SEC14L1: variants seen among roughly 807,000 people sequenced by gnomAD.
SEC14L1 encodes the protein SEC14 like lipid binding 1.
Under a neutral mutation model 85.3 loss-of-function variants are expected in SEC14L1, and 48 were observed. The ratio of observed to expected loss-of-function variants is 0.56; its 90% CI spans 0.45 to 0.72. The LOEUF (loss-of-function observed/expected upper bound fraction) is 0.72. SEC14L1 is among the 30% of genes least tolerant of loss of function. SEC14L1 has a pLI of 0.00. For missense variants in SEC14L1, 682 were observed against 921.4 expected (o/e 0.74, Z 3.36); for synonymous variants, 391 against 355.5 (o/e 1.10, Z -1.12).
intron 3 of SEC14L1, among the ~76,000 whole-genome samples, chr17:77,146,244 G>GC (rs1973299806): frequency 6.6e-6 from 1 of 152,192 alleles, no homozygotes; most frequent in African/African-American, 2.4e-5. Context: ...GCTGCCCACG[G>GC]CCCGGGGTGG....
chr17:77,204,431 G>A (rs796458862), intron 10 of SEC14L1, among the ~76,000 whole-genome samples: 3 of 151,396 alleles, frequency 2.0e-5, no homozygotes, highest in African/African-American at 7.3e-5. Context: ...TGTTGGTCAG[G>A]CTGGTCTCGA....
intron 3 of SEC14L1, among the ~76,000 whole-genome samples, chr17:77,176,737 C>T (rs931721529): frequency 6.6e-6 from 1 of 152,142 alleles, no homozygotes; most frequent in South Asian, 2.1e-4. Context: ...CAGGTGCCTA[C>T]CACCATGCCC....
chr17:77,095,710 G>A lies in SEC14L1; in HGVS notation c.-136+2363G>A, dbSNP rs753381316. On this transcript the variant is annotated intron_variant, in intron 3 of 19. Coordinates refer to the SEC14L1 transcript ENST00000392476. ...CAGGCACCTGTAATCCCAGCTGCTC[G>A]GGAGGCTGAGGCATGAGAATCAGTT... Among the ~76,000 whole-genome samples the A allele has an allele frequency of 1.8e-4, 28 of 152,168 alleles. No individual in the cohort carries two copies. The South Asian group carries it at 2.1e-3, about 11-fold the overall frequency.
intron 2 of SEC14L1, 45 bp from the exon 3 acceptor site, chr17:77,143,522 G>A: frequency 8.5e-7 from 1 of 1,179,584 alleles, no homozygotes; most frequent in Non-Finnish European, 1.3e-6. Context: ...CTAATAATTT[G>A]TTTCTGCATT....
rs371887929 is a variant in SEC14L1, at chr17:77,196,251, G to A, written c.759G>A (p.Pro253=). 1.6e-5 allele frequency: 26 copies of A among 1,614,016 alleles called. No individual in the cohort carries two copies. Among genetic ancestry groups the A allele is most frequent in the African/African-American group, 8.0e-5 (6 of 74,920 alleles). Residue 253 remains proline, a synonymous_variant, in exon 8 of 17, where the codon CCG becomes CCA. Transcript: ENST00000436233. Reference sequence around the variant, plus strand: ...AGAGATACCTGGGCGATTTGACTCCGCTGCAGGAGAGCTGCCTCATTAGAC... The same window carrying A: ...AGAGATACCTGGGCGATTTGACTCCACTGCAGGAGAGCTGCCTCATTAGAC... ...YIKRYLGDLT[P]LQESCLIRLR...
intron 3 of SEC14L1, among the ~76,000 whole-genome samples, chr17:77,104,271 C>T: frequency 6.6e-6 from 1 of 150,578 alleles, no homozygotes; most frequent in East Asian, 2.0e-4. Context: ...TTACAGGTGC[C>T]TGCCACCACG....
Position 77,209,330 on chromosome 17 carries a change from T to G in SEC14L1, c.1477-12T>G. The G allele has an allele frequency of 6.2e-7, 1 of 1,613,948 alleles. No individual in the cohort carries two copies. ...GTTTGCACAGGTTTCACTGCTGTGT[T>G]TCTTCTTCCAGTGCGAAGTGCCAGA... On this transcript the variant is annotated splice_polypyrimidine_tract_variant and intron_variant, in intron 13 of 16. Transcript: ENST00000436233.
At chr17:77,163,116 G>A (rs1344045654) in intron 3 of SEC14L1, among the ~76,000 whole-genome samples, 2 of 152,126 alleles carry the variant, frequency 1.3e-5, no homozygotes, top group Non-Finnish European at 2.9e-5. Context: ...AGCTCCTGCC[G>A]CTGTGCTTGG....
intron 3 of SEC14L1, among the ~76,000 whole-genome samples, chr17:77,117,554 A>G (rs1972202887): frequency 6.6e-6 from 1 of 152,232 alleles, no homozygotes; most frequent in South Asian, 2.1e-4. Context: ...CTGATGAATT[A>G]GCATAACTTC....
chr17:77,151,625 T>C (rs1973559945), intron 3 of SEC14L1, among the ~76,000 whole-genome samples: 1 of 152,140 alleles, frequency 6.6e-6, no homozygotes, highest in African/African-American at 2.4e-5. Flanking sequence ...CAAAACCTTG[T>C]TTTATGGAAA....
rs1976845140 is a variant in SEC14L1 at position 77,213,047 on chromosome 17, G to A, written c.1864-267G>A. Among the ~76,000 whole-genome samples the A allele has an allele frequency of 6.6e-6, 1 of 152,224 alleles. No homozygotes were observed. The highest frequency in any genetic ancestry group is 1.5e-5 in the Non-Finnish European group (1 of 68,032). On this transcript the variant is annotated intron_variant, in intron 15 of 16. Transcript: ENST00000436233. The surrounding 1 kb of genome is among the most constrained non-coding windows in gnomAD (Gnocchi z 7.1). Reference sequence around the variant, plus strand: ...GCCAGGCTCCTGCCTCCGTAGGTGGGGTGGGCTGGGCAGGCCTCGTGAGGG... The same window carrying A: ...GCCAGGCTCCTGCCTCCGTAGGTGGAGTGGGCTGGGCAGGCCTCGTGAGGG...
In SEC14L1 at chr17:77,206,625, T is replaced by C; in HGVS notation, c.1342-103T>C. ...TACAGAAGAAGTATATAAACTTGAA[T>C]GTCTTCCCCCCACCCTCCCACTCAG... is the stretch of plus-strand genomic sequence containing the variant. On this transcript the variant is annotated intron_variant, in intron 12 of 16. Coordinates refer to ENST00000436233, the MANE Select transcript of SEC14L1 (RefSeq NM_001143998.2). The surrounding 1 kb of genome is among the most constrained non-coding windows in gnomAD (Gnocchi z 4.3). The C allele has an allele frequency of 7.2e-7, 1 of 1,389,550 alleles. No homozygotes were observed. The highest frequency in any genetic ancestry group is 1.4e-5 in the African/African-American group (1 of 69,292). The allele number at this position is 1,389,550 out of a possible 1,614,324, so 86.1% of individuals were successfully genotyped here.
chr17:77,216,336 G>A lies in SEC14L1; in HGVS notation c.*2313G>A. 7.5e-7 allele frequency: 1 copy of A among 1,327,694 alleles called. No homozygotes were observed. Among genetic ancestry groups the A allele is most frequent in the East Asian group, 3.3e-5 (1 of 30,372 alleles). The allele number at this position is 1,327,694 out of a possible 1,614,324, so 82.2% of individuals were successfully genotyped here. A position where few individuals can be genotyped will look rare whatever the true frequency, so the allele number is the denominator to read the frequency against. On this transcript the variant is annotated 3_prime_UTR_variant, in exon 17 of 17. Coordinates refer to ENST00000436233, the MANE Select transcript of SEC14L1 (RefSeq NM_001143998.2). ...TAGGGCTAGTAGGTAGGGCTAGTAG[G>A]TAGGGTTAGTAGGTAGGGCTAGTAG...
intron 3 of SEC14L1, among the ~76,000 whole-genome samples, chr17:77,101,624 C>T (rs560661663): frequency 2.5e-4 from 38 of 152,302 alleles, no homozygotes; most frequent in African/African-American, 8.9e-4. Context: ...AAGGACTCCC[C>T]TGGGGATCCC....
intron 3 of SEC14L1, among the ~76,000 whole-genome samples, chr17:77,117,644 C>T (rs1020946635): frequency 2.0e-5 from 3 of 152,158 alleles, no homozygotes; most frequent in Admixed American, 6.5e-5. Flanking sequence ...CCCAGCCCTA[C>T]TGACCCTGGC....
At chr17:77,089,942 AGGAGGT>A (rs1277447739) in intron 2 of SEC14L1, 1 of 154,066 alleles carries the variant, frequency 6.5e-6, no homozygotes, top group African/African-American at 2.5e-5. Flanking sequence ...GCTTGAACCC[AGGAGGT>A]GGAGAGGTTG....
At chr17:77,185,204 C>T (rs1390147603) in intron 3 of SEC14L1, 2 of 985,282 alleles carry the variant, frequency 2.0e-6, no homozygotes, top group Non-Finnish European at 2.4e-6. Context: ...CTCTGCCCTG[C>T]AGCCTAGCAG....
chr17:77,113,560 A>G (rs963408078), intron 3 of SEC14L1, among the ~76,000 whole-genome samples: 2 of 152,180 alleles, frequency 1.3e-5, no homozygotes, highest in Non-Finnish European at 2.9e-5. Flanking sequence ...CCTGGCCAAC[A>G]TGGTGAAACC....
Position 77,214,343 on chromosome 17 carries a change from A to G in SEC14L1, c.*320A>G. 1 of 1,082,944 alleles carries G rather than the reference A, an allele frequency of 9.2e-7. No homozygotes were observed. The highest frequency in any genetic ancestry group is 1.1e-6 in the Non-Finnish European group (1 of 890,132). The allele number at this position is 1,082,944 out of a possible 1,614,324, so 67.1% of individuals were successfully genotyped here. ...TGACGTGGTCTCAGATATTGATGCA[A>G]AAAATTTTTCCAACGAACTCCGCAT... On this transcript the variant is annotated 3_prime_UTR_variant, in exon 17 of 17. Coordinates refer to ENST00000436233, the MANE Select transcript of SEC14L1 (RefSeq NM_001143998.2).
Sources: gnomAD v4.1 joint callset for allele counts (sites outside exome capture counted in the v4.1 genomes callset) on GRCh38, gnomAD v4.1.1 for gene constraint, Gnocchi (gnomAD v3.1) non-coding constraint, MANE v1.5 for transcripts, NCBI Gene and HGNC (gene_info 2026-07-23, HGNC 2026-07-21) for gene names.